The following CUX1 variants were observed in gnomAD, a reference collection of about 807,000 sequenced individuals.
The protein encoded by CUX1 is cut like homeobox 1.
In CUX1, 31 loss-of-function variants were observed where a neutral mutation model predicts 158.8. The observed-to-expected ratio is 0.20, with a 90% CI of 0.15 to 0.26. CUX1 has a LOEUF of 0.26. Ranked by LOEUF, CUX1 falls within the 10% of genes least tolerant of loss-of-function variation. The probability of loss-of-function intolerance (pLI) is 1.00; values close to 1 mark genes in which losing one functional copy is unlikely to be tolerated. For missense variants in CUX1, 1,589 were observed against 2,014.6 expected, an observed-to-expected ratio of 0.79 and a Z score of 4.04; for synonymous variants, 879 against 862.1, an observed-to-expected ratio of 1.02 and a Z score of -0.34.
chr7:102,238,516 A>G (rs1462327364), intron 22 of CUX1, among the ~76,000 whole-genome samples: 1 of 152,202 alleles, frequency 6.6e-6, no homozygotes, highest in Non-Finnish European at 1.5e-5. Flanking sequence ...CTACAAACTA[A>G]TGATTAATGA....
intron 2 of CUX1, among the ~76,000 whole-genome samples, chr7:102,019,252 T>C (rs992160602): frequency 6.7e-6 from 1 of 149,162 alleles, no homozygotes; most frequent in Non-Finnish European, 1.5e-5. Flanking sequence ...TTTTGAGACA[T>C]AGTCTCATTC....
At chr7:102,006,332 C>T (rs948084641) in intron 2 of CUX1, among the ~76,000 whole-genome samples, 5 of 152,144 alleles carry the variant, frequency 3.3e-5, no homozygotes, top group Admixed American at 6.5e-5. Flanking sequence ...TCAGTGCTCC[C>T]TCGAAGGACA....
At chr7:102,007,846 G>A (rs932756264) in intron 2 of CUX1, among the ~76,000 whole-genome samples, 2 of 151,836 alleles carry the variant, frequency 1.3e-5, no homozygotes, top group Middle Eastern at 3.2e-3. Context: ...CTGGGTTCAA[G>A]CGATTCTACT....
chr7:102,186,704 C>T (rs1293867091), intron 11 of CUX1: 5 of 151,946 alleles, frequency 3.3e-5, no homozygotes, highest in South Asian at 2.1e-4. Context: ...TATAAAGGGC[C>T]GTATGTCAAC....
intron 10 of CUX1, among the ~76,000 whole-genome samples, chr7:102,178,112 G>A (rs2131776063): frequency 6.6e-6 from 1 of 152,300 alleles, no homozygotes; most frequent in Non-Finnish European, 1.5e-5. Context: ...ATGTTGGCCA[G>A]GCTGGTCATG....
chr7:101,996,598 C>T (rs558771651), intron 2 of CUX1, among the ~76,000 whole-genome samples: 3 of 151,876 alleles, frequency 2.0e-5, no homozygotes, highest in African/African-American at 7.3e-5. Flanking sequence ...AAATGCAAAA[C>T]CTTAATTATG....
intron 14 of CUX1, 75 bp downstream of exon 14, chr7:102,195,678 A>C: frequency 7.3e-7 from 1 of 1,361,666 alleles, no homozygotes. Context: ...AGGAAGGTGA[A>C]TCGTGAGTCT....
intron 2 of CUX1, among the ~76,000 whole-genome samples, chr7:101,957,246 A>G (rs1809891894): frequency 6.6e-6 from 1 of 152,234 alleles, no homozygotes; most frequent in African/African-American, 2.4e-5. Flanking sequence ...GAATATATAG[A>G]CATACAGCAC....
intron 23 of CUX1, among the ~76,000 whole-genome samples, chr7:102,242,131 G>A (rs1800291952): frequency 6.6e-6 from 1 of 152,102 alleles, no homozygotes; most frequent in South Asian, 2.1e-4. Context: ...GAAATGAACG[G>A]AAACGTGGAC....
chr7:101,837,229 T>A (rs1402730247), intron 1 of CUX1, among the ~76,000 whole-genome samples: 1 of 152,212 alleles, frequency 6.6e-6, no homozygotes, highest in Non-Finnish European at 1.5e-5. Flanking sequence ...GAATTCCATT[T>A]GCCAAGCCAG....
rs1794907280 is a variant in CUX1 at position 102,197,417 on chromosome 7, A to G, written c.1894+112A>G. ...GCGTGATGAAACATTTGTGCATCAC[A>G]TCAGGTAAAGTTCTCTTTGCTTCTG... is the stretch of plus-strand genomic sequence containing the variant. On this transcript the variant is annotated intron_variant, in intron 15 of 23. Coordinates refer to ENST00000292535, the MANE Select transcript of CUX1 (RefSeq NM_181552.4). 5 of 1,293,342 alleles carry G rather than the reference A, an allele frequency of 3.9e-6. No individual in the cohort carries two copies. The East Asian group carries it at 1.2e-4, about 30-fold the overall frequency. The allele number at this position is 1,293,342 out of a possible 1,614,324, so 80.1% of individuals were successfully genotyped here.
Position 102,193,774 on chromosome 7 carries a change from C to A in CUX1, c.1077-68C>A. On this transcript the variant is annotated intron_variant, in intron 12 of 23. Coordinates refer to ENST00000292535, the MANE Select transcript of CUX1 (RefSeq NM_181552.4). ...CCAATATCGCGCCACTGCACTCTAG[C>A]CTGGGTGACAGAACGAGACTCTGTC... The A allele has an allele frequency of 7.2e-6, 11 of 1,530,858 alleles. No individual in the cohort carries two copies. In the South Asian group the frequency reaches 1.3e-4, roughly 18 times the overall value. 94.8% of individuals were successfully genotyped at this position (1,530,858 alleles called of 1,614,324 possible). A position where few individuals can be genotyped will look rare whatever the true frequency, so the allele number is the denominator to read the frequency against.
intron 22 of CUX1, among the ~76,000 whole-genome samples, chr7:102,236,614 A>T (rs553126786): frequency 6.0e-4 from 91 of 152,200 alleles, no homozygotes; most frequent in African/African-American, 2.0e-3. Context: ...CAACATAAAC[A>T]AAAGTAGAGA....
chr7:101,927,989 C>T (rs985582999), intron 2 of CUX1, among the ~76,000 whole-genome samples: 14 of 152,144 alleles, frequency 9.2e-5, no homozygotes, highest in African/African-American at 2.9e-4. Context: ...TCAACAAGGC[C>T]GGCATCCCCT....
intron 14 of CUX1, among the ~76,000 whole-genome samples, chr7:102,263,405 C>G (rs1008117200): frequency 4.7e-5 from 7 of 149,446 alleles, no homozygotes; most frequent in African/African-American, 7.4e-5. Context: ...CCTCCTCCTC[C>G]CAGGTTCAAG....
chr7:102,231,276 C>T (rs1446369645), intron 21 of CUX1, among the ~76,000 whole-genome samples: 8 of 151,908 alleles, frequency 5.3e-5, no homozygotes, highest in Non-Finnish European at 8.8e-5. Context: ...GTGATCTGCC[C>T]GCCTCAACCT....
chr7:102,196,141 CT>C (rs1402418069), intron 14 of CUX1, among the ~76,000 whole-genome samples: 1 of 152,234 alleles, frequency 6.6e-6, no homozygotes, highest in Non-Finnish European at 1.5e-5. Context: ...GTACAGGTGT[CT>C]CGGGCTCTAA....
intron 11 of CUX1, among the ~76,000 whole-genome samples, chr7:102,179,130 C>T (rs1219942462): frequency 2.0e-5 from 3 of 152,234 alleles, no homozygotes; most frequent in Admixed American, 6.5e-5. Context: ...TCACAGCAAC[C>T]TCCACCTCCC....
chr7:102,247,036 A>G (rs2132596484), intron 23 of CUX1, among the ~76,000 whole-genome samples: 1 of 152,234 alleles, frequency 6.6e-6, no homozygotes, highest in African/African-American at 2.4e-5. Flanking sequence ...TGTCTCTACA[A>G]TATTTTAAAA....
Sources: allele counts gnomAD v4.1 joint callset (sites outside exome capture counted in the v4.1 genomes callset), GRCh38; gene constraint gnomAD v4.1.1; transcripts MANE v1.5; gene names NCBI Gene and HGNC (gene_info 2026-07-23, HGNC 2026-07-21).